ABTB3: variants seen among roughly 807,000 people sequenced by gnomAD.
ABTB3 encodes the protein ankyrin repeat- and BTB/POZ domain-containing protein 3.
chr12:107,625,856 C>T, the ABTB3 span, among the ~76,000 whole-genome samples: 118 of 152,290 alleles, frequency 7.7e-4, no homozygotes, highest in African/African-American at 2.7e-3. Flanking sequence ...GTCAGGGGTG[C>T]CGTGTTGCAG....
the ABTB3 span, among the ~76,000 whole-genome samples, chr12:107,478,871 T>A: frequency 2.0e-5 from 3 of 152,030 alleles, no homozygotes; most frequent in African/African-American, 7.3e-5. Context: ...CCCATTAGCT[T>A]CTGGGTTTGT....
the ABTB3 span, among the ~76,000 whole-genome samples, chr12:107,445,863 T>TCCCTCTC: frequency 6.0e-3 from 641 of 106,124 alleles, 3 homozygotes; most frequent in East Asian, 0.013. Flanking sequence ...TCTCCAAATC[T>TCCCTCTC]CCCTCTCCCC....
the ABTB3 span, among the ~76,000 whole-genome samples, chr12:107,488,929 C>T: frequency 2.0e-5 from 3 of 151,998 alleles, no homozygotes; most frequent in Non-Finnish European, 4.4e-5. Context: ...TAAAAGAGAA[C>T]TTACGAAAGA....
At chr12:107,628,608 G>C in the ABTB3 span, among the ~76,000 whole-genome samples, 1 of 152,110 alleles carries the variant, frequency 6.6e-6, no homozygotes, top group South Asian at 2.1e-4. Context: ...TTAATAAGGA[G>C]GGCTTTTTTT....
chr12:107,564,080 A>C, the ABTB3 span, among the ~76,000 whole-genome samples: 144 of 133,614 alleles, frequency 1.1e-3, no homozygotes, highest in African/African-American at 3.9e-3. Context: ...CTCTCTCTCT[A>C]TCTATCTCTC....
At chr12:107,374,243 C>T in the ABTB3 span, among the ~76,000 whole-genome samples, 2 of 152,200 alleles carry the variant, frequency 1.3e-5, no homozygotes, top group Middle Eastern at 3.2e-3. Context: ...TGGGTCCTTT[C>T]CTTTTTCTAC....
the ABTB3 span, among the ~76,000 whole-genome samples, chr12:107,398,658 C>T: frequency 2.0e-5 from 3 of 151,996 alleles, no homozygotes; most frequent in Non-Finnish European, 4.4e-5. Flanking sequence ...CTTTAAAATC[C>T]AGCACATGAA....
chr12:107,655,704 A>G, the ABTB3 span, among the ~76,000 whole-genome samples: 197 of 152,328 alleles, frequency 1.3e-3, 3 homozygotes, highest in Non-Finnish European at 1.7e-3. Context: ...TTTTATACAG[A>G]GGAGAAACCC....
the ABTB3 span, among the ~76,000 whole-genome samples, chr12:107,389,243 C>A: frequency 6.6e-6 from 1 of 152,198 alleles, no homozygotes. Context: ...TTTAAAGAAG[C>A]AATGTGACTC....
At chr12:107,388,009 G>C in the ABTB3 span, among the ~76,000 whole-genome samples, 4 of 123,824 alleles carry the variant, frequency 3.2e-5, no homozygotes, top group Non-Finnish European at 6.4e-5. Context: ...GTCTCGCTCT[G>C]TTGCCCAGGC....
At chr12:107,629,899 A>T in the ABTB3 span, among the ~76,000 whole-genome samples, 1 of 152,080 alleles carries the variant, frequency 6.6e-6, no homozygotes, top group Admixed American at 6.6e-5. Flanking sequence ...TTATCATCAC[A>T]GTCTGACCTA....
chr12:107,637,833 T>TGTGG, the ABTB3 span, among the ~76,000 whole-genome samples: 10 of 143,990 alleles, frequency 6.9e-5, no homozygotes, highest in East Asian at 6.0e-4. Context: ...TGTGTGTGTG[T>TGTGG]GGTATGGTGT....
the ABTB3 span, among the ~76,000 whole-genome samples, chr12:107,643,401 TCAAAA>T: frequency 1.9e-3 from 131 of 67,648 alleles, 1 homozygote; most frequent in South Asian, 7.1e-3. Flanking sequence ...AGACCCTATC[TCAAAA>T]AAAAAAAAAA....
the ABTB3 span, among the ~76,000 whole-genome samples, chr12:107,389,958 T>C: frequency 2.0e-5 from 3 of 152,036 alleles, no homozygotes; most frequent in African/African-American, 7.2e-5. Context: ...TGTCTTTCCA[T>C]GTGTTCTCTC....
the ABTB3 span, among the ~76,000 whole-genome samples, chr12:107,619,781 T>C: frequency 6.6e-6 from 1 of 152,220 alleles, no homozygotes; most frequent in Non-Finnish European, 1.5e-5. Flanking sequence ...TTATGACCTT[T>C]AATTTCAACT....
chr12:107,410,981 C>T, the ABTB3 span, among the ~76,000 whole-genome samples: 27 of 152,266 alleles, frequency 1.8e-4, no homozygotes, highest in African/African-American at 6.0e-4. Flanking sequence ...ACAACAGCCA[C>T]TAGCCACGTG....
At chr12:107,539,365 C>T in the ABTB3 span, among the ~76,000 whole-genome samples, 6 of 152,106 alleles carry the variant, frequency 3.9e-5, no homozygotes, top group African/African-American at 1.4e-4. Flanking sequence ...GTTGGAGCTT[C>T]CCCTTACTAG....
chr12:107,337,503 C>T, the ABTB3 span, among the ~76,000 whole-genome samples: 4 of 152,214 alleles, frequency 2.6e-5, no homozygotes, highest in African/African-American at 7.2e-5. Context: ...CTACTGAGCA[C>T]GTTCACAATA....
chr12:107,611,373 G>A, the ABTB3 span, among the ~76,000 whole-genome samples: 67 of 152,162 alleles, frequency 4.4e-4, 1 homozygote, highest in African/African-American at 1.4e-3. Flanking sequence ...TAGAGACAGG[G>A]TCTTGCTACA....
Sources: gnomAD v4.1 joint callset for allele counts (sites outside exome capture counted in the v4.1 genomes callset) on GRCh38, gnomAD v4.1.1 for gene constraint, MANE v1.5 for transcripts, NCBI Gene and HGNC (gene_info 2026-07-23, HGNC 2026-07-21) for gene names.